Variants in ASIC2 observed in about 807,000 individuals in gnomAD.
ASIC2 encodes the protein acid sensing ion channel subunit 2.
In ASIC2, 25 loss-of-function variants were observed where a neutral mutation model predicts 57.3. The observed-to-expected ratio is 0.44, with a 90% CI of 0.32 to 0.61. The LOEUF (loss-of-function observed/expected upper bound fraction) is 0.61, where lower values mean the gene tolerates loss of function less well. ASIC2 is among the 20% of genes least tolerant of loss of function. The pLI is 0.06. For missense variants in ASIC2, 641 were observed against 738.1 expected, an observed-to-expected ratio of 0.87 and a Z score of 1.52; for synonymous variants, 319 against 307.5, an observed-to-expected ratio of 1.04 and a Z score of -0.39.
chr17:33,970,034 C>T lies in ASIC2; in HGVS notation c.555+185944G>A, dbSNP rs150790609. On this transcript the variant is annotated intron_variant, in intron 1 of 9. Transcript: ENST00000359872. ...CAATGCAAAGTCTTGTTTATCTCAA[C>T]GTGCCTATTTCCTCGGCAGTTCTGA... Among the ~76,000 whole-genome samples the T allele has an allele frequency of 5.3e-5, 8 of 152,292 alleles. No individual in the cohort carries two copies. The East Asian group carries it at 5.8e-4, about 11-fold the overall frequency.
chr17:33,038,388 T>G (rs2091917575), intron 3 of ASIC2, among the ~76,000 whole-genome samples: 1 of 152,188 alleles, frequency 6.6e-6, no homozygotes, highest in Non-Finnish European at 1.5e-5. Context: ...CCTGCCCGGT[T>G]CAGACATCCA....
intron 1 of ASIC2, among the ~76,000 whole-genome samples, chr17:33,257,185 G>A (rs73281658): frequency 0.029 from 4,405 of 152,328 alleles, 233 homozygotes; most frequent in African/African-American, 0.1. Context: ...GGCTGCGTTT[G>A]TAAGCACAAC....
intron 1 of ASIC2, among the ~76,000 whole-genome samples, chr17:33,389,797 T>C (rs1049815031): frequency 2.0e-5 from 3 of 152,234 alleles, no homozygotes; most frequent in African/African-American, 7.2e-5. Flanking sequence ...AAACTATTTA[T>C]GAACAGGAAT....
At chr17:33,286,408 T>C (rs779210351) in intron 1 of ASIC2, among the ~76,000 whole-genome samples, 92 of 152,106 alleles carry the variant, frequency 6.0e-4, no homozygotes, top group Non-Finnish European at 1.6e-4. Context: ...TAACAACCAG[T>C]AGTGAAAGAA....
chr17:33,768,285 C>T (rs564718561), intron 1 of ASIC2, among the ~76,000 whole-genome samples: 2 of 152,142 alleles, frequency 1.3e-5, no homozygotes, highest in African/African-American at 2.4e-5. Flanking sequence ...GGATCACAGA[C>T]GTGAGCCACC....
At chr17:33,488,211 C>T (rs1487980381) in intron 1 of ASIC2, among the ~76,000 whole-genome samples, 1 of 152,094 alleles carries the variant, frequency 6.6e-6, no homozygotes, top group Non-Finnish European at 1.5e-5. Flanking sequence ...TCACTCTCCC[C>T]CACCCTGTTT....
intron 1 of ASIC2, among the ~76,000 whole-genome samples, chr17:34,119,664 G>A (rs1911541513): frequency 6.6e-6 from 1 of 151,018 alleles, no homozygotes; most frequent in Non-Finnish European, 1.5e-5. Context: ...ACCAGCCCTG[G>A]AAGAGCCCAC....
intron 2 of ASIC2, among the ~76,000 whole-genome samples, chr17:33,109,444 C>T (rs1178314542): frequency 1.3e-5 from 2 of 152,110 alleles, no homozygotes; most frequent in Non-Finnish European, 2.9e-5. Flanking sequence ...TGCTTTAAAC[C>T]CGTTCTTCAT....
chr17:33,925,424 G>C (rs1041315132), intron 1 of ASIC2, among the ~76,000 whole-genome samples: 4 of 152,236 alleles, frequency 2.6e-5, no homozygotes, highest in African/African-American at 9.6e-5. Context: ...ACAGAACAAA[G>C]GAGAAGGCCA....
intron 1 of ASIC2, among the ~76,000 whole-genome samples, chr17:33,583,641 G>A (rs8065200): frequency 0.1 from 15,570 of 152,166 alleles, 1,088 homozygotes; most frequent in East Asian, 0.3. Flanking sequence ...TCGGTGTTTA[G>A]GGAAAATCTC....
chr17:33,684,830 A>G (rs897220964), intron 1 of ASIC2, among the ~76,000 whole-genome samples: 1 of 152,126 alleles, frequency 6.6e-6, no homozygotes, highest in African/African-American at 2.4e-5. Context: ...GGAAGAACAA[A>G]TTGGTCCCAG....
chr17:34,057,718 AGTGC>A (rs1908821196), intron 1 of ASIC2, among the ~76,000 whole-genome samples: 2 of 152,178 alleles, frequency 1.3e-5, no homozygotes, highest in African/African-American at 2.4e-5. Flanking sequence ...GATTAGTGCT[AGTGC>A]TTGGCAATAG....
chr17:33,710,799 G>A (rs8066374), intron 1 of ASIC2, among the ~76,000 whole-genome samples: 53,016 of 151,940 alleles, frequency 0.35, 10,879 homozygotes, highest in African/African-American at 0.58. Flanking sequence ...CCTTGTGGCA[G>A]GAGTTATCAT....
chr17:34,054,274 C>T (rs1908678611), intron 1 of ASIC2, among the ~76,000 whole-genome samples: 1 of 152,222 alleles, frequency 6.6e-6, no homozygotes, highest in African/African-American at 2.4e-5. Flanking sequence ...CTCAAGACAT[C>T]TATGAGCTAC....
chr17:34,060,108 T>C (rs1264860493), intron 1 of ASIC2, among the ~76,000 whole-genome samples: 2 of 152,096 alleles, frequency 1.3e-5, no homozygotes, highest in African/African-American at 4.8e-5. Flanking sequence ...ATCTGCCACC[T>C]CCACCAGAAC....
In ASIC2 at chr17:33,058,889, T is replaced by G. The variant is rs889766564; in HGVS notation, c.987+29974A>C. Among the ~76,000 whole-genome samples the G allele has an allele frequency of 3.5e-4, 54 of 152,164 alleles. 1 individual carries two copies. The highest frequency in any genetic ancestry group is 4.6e-4 in the Admixed American group (7 of 15,264). ...GCAAAAACAGATAAAGCAATTCAAG[T>G]GTTCAACAATAGAGAGATGATAAGT... On this transcript the variant is annotated intron_variant, in intron 3 of 9. Transcript: ENST00000225823.
chr17:33,194,313 T>A (rs1419396071), intron 1 of ASIC2, among the ~76,000 whole-genome samples: 1 of 152,216 alleles, frequency 6.6e-6, no homozygotes, highest in Non-Finnish European at 1.5e-5. Flanking sequence ...AAGCAGCCCC[T>A]CCTCTCTTGT....
At chr17:33,261,783 T>G (rs1909289316) in intron 1 of ASIC2, among the ~76,000 whole-genome samples, 1 of 151,634 alleles carries the variant, frequency 6.6e-6, no homozygotes, top group African/African-American at 2.4e-5. Flanking sequence ...TGCTCCAGAA[T>G]CCATGCTTTC....
At chr17:34,041,641 G>A (rs1418272592) in intron 1 of ASIC2, among the ~76,000 whole-genome samples, 1 of 152,172 alleles carries the variant, frequency 6.6e-6, no homozygotes, top group Non-Finnish European at 1.5e-5. Context: ...GAAATACATA[G>A]CACACACTAA....
Sources: allele counts gnomAD v4.1 joint callset (sites outside exome capture counted in the v4.1 genomes callset), GRCh38; gene constraint gnomAD v4.1.1; transcripts MANE v1.5; gene names NCBI Gene and HGNC (gene_info 2026-07-23, HGNC 2026-07-21).